NF1: variants seen among roughly 807,000 people sequenced by gnomAD.
NF1 encodes neurofibromin 1.
In NF1, 122 loss-of-function variants were observed where a neutral mutation model predicts 325.7. The ratio of observed to expected loss-of-function variants is 0.37; its 90% confidence interval spans 0.32 to 0.44. NF1 has a LOEUF of 0.44. Among genes scored for constraint, NF1 ranks in the 20% least tolerant of loss-of-function variants. The probability of loss-of-function intolerance (pLI) is 1.00; values close to 1 mark genes in which losing one functional copy is unlikely to be tolerated. For synonymous variants in NF1, 1,091 were observed against 1,186.0 expected (o/e 0.92, Z 1.65); for missense variants, 2,140 against 3,415.4 (o/e 0.63, Z 9.31).
intron 1 of NF1, among the ~76,000 whole-genome samples, chr17:31,125,639 C>T (rs1000408865): frequency 3.9e-5 from 6 of 152,024 alleles, no homozygotes; most frequent in African/African-American, 7.2e-5. Flanking sequence ...TGGGTTCAAG[C>T]GATTCTCCTG....
At chr17:31,206,906 A>C (rs1476520357) in intron 12 of NF1, among the ~76,000 whole-genome samples, 2 of 152,148 alleles carry the variant, frequency 1.3e-5, no homozygotes, top group Admixed American at 6.6e-5. Context: ...CTGACATTTG[A>C]CTCTAAACTT....
intron 36 of NF1, among the ~76,000 whole-genome samples, chr17:31,287,790 C>T (rs949272595): frequency 2.6e-5 from 4 of 151,906 alleles, no homozygotes; most frequent in Non-Finnish European, 5.9e-5. Context: ...CTGCCCACCT[C>T]GGCTTCCCAG....
intron 36 of NF1, among the ~76,000 whole-genome samples, chr17:31,273,182 A>T (rs1024968733): frequency 6.6e-6 from 1 of 152,218 alleles, no homozygotes; most frequent in Admixed American, 6.5e-5. Flanking sequence ...TTGATTTCTC[A>T]TGACCTTTAT....
chr17:31,179,781 TA>T (rs752195315), intron 5 of NF1, among the ~76,000 whole-genome samples: 355 of 138,768 alleles, frequency 2.6e-3, no homozygotes, highest in Non-Finnish European at 2.6e-3. Context: ...AGACTCTGTT[TA>T]AAAAAAAAAA....
chr17:31,352,508 A>G, intron 51 of NF1, 94 bp downstream of exon 51: 4 of 1,281,960 alleles, frequency 3.1e-6, no homozygotes, highest in Non-Finnish European at 4.2e-6. Context: ...AGGATTATCA[A>G]AATTTTCCAT....
chr17:31,173,837 G>T lies in NF1; in HGVS notation c.586+3840G>T, dbSNP rs10451298. On this transcript the variant is annotated intron_variant, in intron 5 of 57. Transcript: ENST00000358273. ...ACTTGTAGAACTGAAAGATACTTTG[G>T]CTTTGAGAGTAGATTATGGTATATA... is the stretch of plus-strand genomic sequence containing the variant. Among the ~76,000 whole-genome samples, 254 of 152,296 alleles carry T rather than the reference G, an allele frequency of 1.7e-3. 3 individuals are homozygous for T. Among genetic ancestry groups the T allele is most frequent in the African/African-American group, 5.8e-3 (239 of 41,556 alleles).
intron 25 of NF1, 150 bp from the exon 26 acceptor site, chr17:31,232,550 A>G: frequency 1.3e-6 from 1 of 758,716 alleles, no homozygotes; most frequent in Non-Finnish European, 2.2e-6. Flanking sequence ...CTTCATAATA[A>G]GCCACCCTGG....
chr17:31,132,529 G>C (rs756664492), intron 1 of NF1, among the ~76,000 whole-genome samples: 21 of 151,934 alleles, frequency 1.4e-4, no homozygotes, highest in Non-Finnish European at 2.9e-4. Flanking sequence ...CACAGAGCAA[G>C]ACTTCATCTC....
At chr17:31,367,362 C>T (rs922903564) in intron 57 of NF1, 1 of 909,526 alleles carries the variant, frequency 1.1e-6, no homozygotes, top group African/African-American at 1.7e-5. Flanking sequence ...ACTTTACTCA[C>T]CGGTCCCTGT....
intron 52 of NF1, 53 bp downstream of exon 52, chr17:31,356,635 T>C (rs1321325442): frequency 6.2e-7 from 1 of 1,606,454 alleles, no homozygotes; most frequent in Non-Finnish European, 8.5e-7. Context: ...GGAGAGTACA[T>C]GAAAGTCATG....
chr17:31,191,932 C>T (rs1481184995), intron 8 of NF1, among the ~76,000 whole-genome samples: 4 of 152,116 alleles, frequency 2.6e-5, no homozygotes, highest in Admixed American at 6.6e-5. Context: ...CTGTTGACTT[C>T]CTTTACCTAT....
chr17:31,184,376 G>A (rs1474519619), intron 8 of NF1, among the ~76,000 whole-genome samples: 8 of 152,130 alleles, frequency 5.3e-5, no homozygotes, highest in South Asian at 4.1e-4. Context: ...TGGGCCGGGC[G>A]CGGTGGCTCA....
At chr17:31,311,000 G>A (rs1160217926) in intron 36 of NF1, among the ~76,000 whole-genome samples, 1 of 146,774 alleles carries the variant, frequency 6.8e-6, no homozygotes, top group Non-Finnish European at 1.5e-5. Context: ...GGGTTGCAGT[G>A]CAGTGGTGCA....
At chr17:31,163,146 A>G (rs773657744) in intron 3 of NF1, 40 bp from the exon 4 acceptor site, 3 of 1,601,074 alleles carry the variant, frequency 1.9e-6, no homozygotes, top group East Asian at 2.2e-5. Flanking sequence ...GTTTACAGGT[A>G]AAATTAAAGT....
chr17:31,098,234 G>T (rs2143180274), intron 1 of NF1, among the ~76,000 whole-genome samples: 1 of 151,750 alleles, frequency 6.6e-6, no homozygotes, highest in Admixed American at 6.6e-5. Flanking sequence ...GCATGGGAAG[G>T]TTAAGTGACA....
chr17:31,176,467 C>G (rs1055495188), intron 5 of NF1, among the ~76,000 whole-genome samples: 4 of 152,176 alleles, frequency 2.6e-5, no homozygotes, highest in African/African-American at 4.8e-5. Flanking sequence ...TGCCTGTTCA[C>G]TCCGATGGTA....
chr17:31,296,711 T>G (rs1236650497), intron 36 of NF1: 1 of 250,012 alleles, frequency 4.0e-6, no homozygotes, highest in Non-Finnish European at 7.8e-6. Flanking sequence ...TTTGATGATA[T>G]GCTTTCTTAC....
chr17:31,356,582 G>A lies in NF1; in HGVS notation c.7738G>A (p.Glu2580Lys), dbSNP rs2151581378. The A allele has an allele frequency of 6.2e-7, 1 of 1,613,538 alleles. No homozygotes were observed. Among genetic ancestry groups the A allele is most frequent in the Non-Finnish European group, 8.5e-7 (1 of 1,179,662 alleles). Residue 2580 changes from glutamate (E) to lysine (K), a missense_variant and splice_region_variant, in exon 52 of 58, where the codon GAA (glutamate) becomes AAA (lysine). Glu to Lys is a moderately conservative substitution (Grantham distance 56). Transcript: ENST00000358273. ...RRVAETDYEM[E>K]TQRISSSQQH... ...AGTAGCAGAAACTGATTATGAAATG[G>A]GTGAGAAACAAAGTATTGATCTAGA...
At chr17:31,301,217 A>C (rs2068567142) in intron 36 of NF1, among the ~76,000 whole-genome samples, 1 of 152,046 alleles carries the variant, frequency 6.6e-6, no homozygotes, top group Non-Finnish European at 1.5e-5. Flanking sequence ...TTTGAGTCTC[A>C]GCTAGGAAGG....
Sources: gnomAD v4.1 joint callset for allele counts (sites outside exome capture counted in the v4.1 genomes callset) on GRCh38, gnomAD v4.1.1 for gene constraint, MANE v1.5 for transcripts, NCBI Gene and HGNC (gene_info 2026-07-23, HGNC 2026-07-21) for gene names.